The following TMPRSS7 variants were observed in gnomAD, a reference collection of about 807,000 sequenced individuals.
TMPRSS7 encodes transmembrane serine protease 7, also known as transmembrane protease serine 7.
TMPRSS7 carries 81 observed loss-of-function variants against 95.6 expected under a neutral mutation model. The observed-to-expected ratio is 0.85, with a 90% confidence interval of 0.71 to 1.02. The LOEUF (loss-of-function observed/expected upper bound fraction) is 1.02, where lower values mean the gene tolerates loss of function less well. Among genes scored for constraint, TMPRSS7 ranks in the 50% least tolerant of loss-of-function variants. The pLI, the probability that TMPRSS7 is intolerant of heterozygous loss-of-function variation, is 0.00. For synonymous variants in TMPRSS7, 364 were observed against 337.8 expected (o/e 1.08, Z -0.85); for missense variants, 945 against 955.2 (o/e 0.99, Z 0.14).
chr3:112,050,782 A>G, exon 9 of TMPRSS7: 1 of 1,568,330 alleles, frequency 6.4e-7, no homozygotes, highest in Non-Finnish European at 8.7e-7. Context: ...TGGAAATTTC[A>G]GGTAGCCTAG....
intron 13 of TMPRSS7, 115 bp from the exon 14 acceptor site, chr3:112,074,180 TA>T (rs1300486505): frequency 1.4e-6 from 1 of 705,662 alleles, no homozygotes; most frequent in African/African-American, 1.8e-5. Context: ...GAGCAGCAAA[TA>T]CCAATCCTGT....
chr3:112,075,524 C>T (rs2073701591), intron 15 of TMPRSS7, 32 bp downstream of exon 15: 5 of 1,380,460 alleles, frequency 3.6e-6, no homozygotes, highest in Non-Finnish European at 4.7e-6. Flanking sequence ...TTTCAAGTGG[C>T]ACTCTGTGGC....
chr3:112,077,566 G>A (rs940057372), intron 16 of TMPRSS7, among the ~76,000 whole-genome samples: 1 of 152,204 alleles, frequency 6.6e-6, no homozygotes, highest in Non-Finnish European at 1.5e-5. Context: ...GACTATGTGG[G>A]TATGACCTGT....
intron 1 of TMPRSS7, among the ~76,000 whole-genome samples, chr3:112,037,315 G>C (rs993647349): frequency 4.6e-5 from 7 of 152,170 alleles, no homozygotes; most frequent in African/African-American, 7.2e-5. Context: ...TGGCCGTCTA[G>C]GAGTGTCTGC....
Position 112,057,139 on chromosome 3 carries a change from A to G in TMPRSS7, c.1310+8A>G, listed in dbSNP as rs2073443112. ...GGAAATTAATGAGCACATGTAAGTG[A>G]TTTTCATATGTTTTCATATGTGAGG... On this transcript the variant is annotated splice_region_variant and intron_variant, in intron 10 of 17. Transcript: ENST00000452346. 1.9e-6 allele frequency: 3 copies of G among 1,587,854 alleles called. No homozygotes were observed. Among genetic ancestry groups the G allele is most frequent in the Non-Finnish European group, 2.6e-6 (3 of 1,157,788 alleles).
intron 13 of TMPRSS7, among the ~76,000 whole-genome samples, chr3:112,074,019 G>A (rs534352569): frequency 2.2e-4 from 34 of 152,310 alleles, no homozygotes; most frequent in African/African-American, 3.8e-4. Context: ...CTGATATGTC[G>A]CACTTCTTCA....
chr3:112,042,013 G>A lies in TMPRSS7; in HGVS notation c.392G>A (p.Arg131Lys), dbSNP rs375065801. The change falls in exon 3 of 18, where the codon AGG (arginine) becomes AAG (lysine). Residue 131 changes from arginine to lysine, a missense_variant. Coordinates refer to ENST00000452346, the Ensembl canonical transcript of TMPRSS7. ...CCCGAATACCGACAAAAGGAGTCCA[G>A]GGAATTTCTTTCAGTGTCACGGACT... The A allele has an allele frequency of 5.8e-6, 9 of 1,551,476 alleles. No homozygotes were observed. In the African/African-American group the frequency reaches 1.1e-4, roughly 19 times the overall value.
At chr3:112,079,014 A>G in intron 17 of TMPRSS7, 136 bp downstream of exon 17, 1 of 1,003,758 alleles carries the variant, frequency 1.0e-6, no homozygotes, top group Non-Finnish European at 1.4e-6. Context: ...GATATTATTT[A>G]TCATCCAATT....
Position 112,071,013 on chromosome 3 carries a change from G to A in TMPRSS7, c.1667-3283G>A, listed in dbSNP as rs150751436. On this transcript the variant is annotated intron_variant, in intron 13 of 17. Transcript: ENST00000452346. ...ATGATGTTAGCTGGTCATTTTGCCCGTTAGTTGATGCAATTTCTTCATAGC... is the reference window on the plus strand; with the variant it reads ...ATGATGTTAGCTGGTCATTTTGCCCATTAGTTGATGCAATTTCTTCATAGC... Among the ~76,000 whole-genome samples the A allele has an allele frequency of 5.0e-3, 760 of 152,268 alleles. 5 individuals are homozygous for A. The highest frequency in any genetic ancestry group is 0.016 in the African/African-American group (650 of 41,540).
At chr3:112,062,420 G>A (rs908161399) in intron 11 of TMPRSS7, among the ~76,000 whole-genome samples, 4 of 152,178 alleles carry the variant, frequency 2.6e-5, no homozygotes, top group South Asian at 2.1e-4. Flanking sequence ...CTGGAAGAGC[G>A]GCCAGGAAGT....
chr3:112,075,193 GTCCTC>G, intron 14 of TMPRSS7, 123 bp from the exon 15 acceptor site: 1 of 898,202 alleles, frequency 1.1e-6, no homozygotes, highest in African/African-American at 1.7e-5. Flanking sequence ...CATGTTCTCT[GTCCTC>G]TAGATAAGGA....
intron 9 of TMPRSS7, among the ~76,000 whole-genome samples, chr3:112,054,824 C>A (rs2073412310): frequency 7.1e-6 from 1 of 141,302 alleles, no homozygotes; most frequent in South Asian, 2.3e-4. Flanking sequence ...ACTGCAAGCT[C>A]CGCCTCCCAG....
chr3:112,073,897 C>T (rs2073681921), intron 13 of TMPRSS7, among the ~76,000 whole-genome samples: 3 of 152,224 alleles, frequency 2.0e-5, no homozygotes, highest in Admixed American at 2.0e-4. Flanking sequence ...ACAAGTCTGT[C>T]CATTTTGCCT....
chr3:112,074,368 A>G, exon 14 of TMPRSS7: 9 of 1,614,112 alleles, frequency 5.6e-6, no homozygotes, highest in Non-Finnish European at 6.8e-6. Context: ...GCAAAATGTG[A>G]TGGGACAGTG....
chr3:112,040,007 T>C (rs1428888862), intron 2 of TMPRSS7, among the ~76,000 whole-genome samples: 1 of 152,156 alleles, frequency 6.6e-6, no homozygotes, highest in African/African-American at 2.4e-5. Flanking sequence ...GTGTCTGCAA[T>C]GAATTGGAGA....
intron 14 of TMPRSS7, 136 bp from the exon 15 acceptor site, chr3:112,075,185 T>C (rs1024712094): frequency 5.0e-6 from 4 of 795,646 alleles, no homozygotes; most frequent in African/African-American, 1.8e-5. Context: ...CAGACTCACA[T>C]GTTCTCTGTC....
chr3:112,078,495 G>T (rs1439728850), intron 16 of TMPRSS7, among the ~76,000 whole-genome samples: 1 of 152,218 alleles, frequency 6.6e-6, no homozygotes, highest in Non-Finnish European at 1.5e-5. Context: ...AGTTGTTCAA[G>T]TAATTGAGTC....
At chr3:112,048,403 C>T (rs1453944805) in intron 7 of TMPRSS7, among the ~76,000 whole-genome samples, 6 of 152,032 alleles carry the variant, frequency 3.9e-5, no homozygotes, top group Admixed American at 3.3e-4. Context: ...TTAGAGGAAA[C>T]GGTATCAATT....
At chr3:112,067,120 G>A (rs1305036215) in intron 13 of TMPRSS7, among the ~76,000 whole-genome samples, 2 of 152,136 alleles carry the variant, frequency 1.3e-5, no homozygotes, top group African/African-American at 4.8e-5. Flanking sequence ...GAGAATGATG[G>A]TTTCCAGCTT....
Sources: allele counts gnomAD v4.1 joint callset (sites outside exome capture counted in the v4.1 genomes callset), GRCh38; gene constraint gnomAD v4.1.1; transcripts MANE v1.5; gene names NCBI Gene and HGNC (gene_info 2026-07-23, HGNC 2026-07-21).